Variants in MYOF observed in about 807,000 individuals in gnomAD.
MYOF encodes the protein fer-1-like 3, myoferlin.
MYOF carries 244 observed loss-of-function variants against 284.2 expected under a neutral mutation model. The observed-to-expected ratio is 0.86, with a 90% CI of 0.77 to 0.95. MYOF has a LOEUF of 0.95. Ranked by LOEUF, MYOF falls within the 40% of genes least tolerant of loss-of-function variation. The pLI, the probability that MYOF is intolerant of heterozygous loss-of-function variation, is 0.00. For synonymous variants in MYOF, 904 were observed against 919.7 expected, an observed-to-expected ratio of 0.98 and a Z score of 0.31; for missense variants, 2,496 against 2,560.6, an observed-to-expected ratio of 0.97 and a Z score of 0.54.
chr10:93,447,361 C>T (rs997115172), intron 3 of MYOF, among the ~76,000 whole-genome samples: 1 of 152,106 alleles, frequency 6.6e-6, no homozygotes, highest in Non-Finnish European at 1.5e-5. Flanking sequence ...TCCAGGAATG[C>T]ACTTACCGAT....
intron 3 of MYOF, among the ~76,000 whole-genome samples, chr10:93,444,782 A>G (rs1438247459): frequency 3.9e-5 from 6 of 152,182 alleles, no homozygotes; most frequent in Non-Finnish European, 7.3e-5. Flanking sequence ...AAATCTGAAA[A>G]CTTGTCAATA....
At chr10:93,425,434 T>C (rs1401939018) in intron 5 of MYOF, among the ~76,000 whole-genome samples, 1 of 152,102 alleles carries the variant, frequency 6.6e-6, no homozygotes, top group Non-Finnish European at 1.5e-5. Flanking sequence ...ACTGATTGTC[T>C]TGTAGGCCCT....
intron 50 of MYOF, among the ~76,000 whole-genome samples, chr10:93,315,598 G>T (rs979267361): frequency 6.6e-6 from 1 of 152,148 alleles, no homozygotes; most frequent in African/African-American, 2.4e-5. Flanking sequence ...CAGATATAAA[G>T]GTGGGAGGTT....
chr10:93,414,298 AG>A (rs1848027310), intron 5 of MYOF, among the ~76,000 whole-genome samples: 2 of 152,136 alleles, frequency 1.3e-5, no homozygotes, highest in African/African-American at 4.8e-5. Context: ...GCACTTTGGG[AG>A]GCTGAGGCGG....
chr10:93,309,470 G>A (rs974447844), intron 53 of MYOF, among the ~76,000 whole-genome samples: 7 of 152,226 alleles, frequency 4.6e-5, no homozygotes, highest in Non-Finnish European at 7.4e-5. Context: ...TACGTGACAT[G>A]AGCCTTAAAA....
intron 5 of MYOF, 94 bp downstream of exon 5, chr10:93,425,977 T>C (rs1848572189): frequency 7.7e-7 from 1 of 1,307,076 alleles, no homozygotes; most frequent in African/African-American, 1.5e-5. Flanking sequence ...GCTACAGGCT[T>C]GTGATCAATG....
chr10:93,375,097 G>T lies in MYOF; in HGVS notation c.2109-142C>A, dbSNP rs961817043. 39 of 797,508 alleles carry T rather than the reference G, an allele frequency of 4.9e-5. No homozygotes were observed. In the African/African-American group the frequency reaches 5.6e-4, roughly 11 times the overall value. 49.4% of individuals were successfully genotyped at this position (797,508 alleles called of 1,614,324 possible). Reference sequence around the variant, plus strand: ...TAACTGAATCTACAAGCACTGCCTGGTTTACGCTGGAGTAGAGTGTATCTG... The same window carrying T: ...TAACTGAATCTACAAGCACTGCCTGTTTTACGCTGGAGTAGAGTGTATCTG... On this transcript the variant is annotated intron_variant, in intron 22 of 53. Transcript: ENST00000359263.
intron 1 of MYOF, 25 bp from the exon 2 acceptor site, chr10:93,456,962 C>A (rs371566005): frequency 1.3e-6 from 2 of 1,557,042 alleles, no homozygotes; most frequent in African/African-American, 2.7e-5. Flanking sequence ...AAGGAAGAGA[C>A]AGCAATCATT....
chr10:93,352,509 C>T (rs1222308374), intron 32 of MYOF, among the ~76,000 whole-genome samples: 1 of 152,204 alleles, frequency 6.6e-6, no homozygotes, highest in African/African-American at 2.4e-5. Flanking sequence ...CTTTGTCTCA[C>T]TATACTTAAG....
intron 1 of MYOF, among the ~76,000 whole-genome samples, chr10:93,461,764 A>G (rs2056888949): frequency 6.6e-6 from 1 of 152,194 alleles, no homozygotes; most frequent in African/African-American, 2.4e-5. Flanking sequence ...AGCCTCAAGT[A>G]CCAGGCTAAG....
At chr10:93,361,608 T>C (rs1454209469) in intron 27 of MYOF, 51 bp from the exon 28 acceptor site, 7 of 1,583,610 alleles carry the variant, frequency 4.4e-6, no homozygotes, top group Non-Finnish European at 5.2e-6. Flanking sequence ...ATAGTGTCAG[T>C]AAGAGGCAAA....
chr10:93,311,339 G>T (rs1842376896), intron 51 of MYOF, among the ~76,000 whole-genome samples: 3 of 151,982 alleles, frequency 2.0e-5, no homozygotes, highest in Non-Finnish European at 4.4e-5. Context: ...GCTGGGCGCA[G>T]TGGCTTATGC....
At chr10:93,426,031 C>A (rs1367654109) in intron 5 of MYOF, 40 bp downstream of exon 5, 5 of 1,534,648 alleles carry the variant, frequency 3.3e-6, no homozygotes, top group Non-Finnish European at 4.4e-6. Flanking sequence ...TTAGCAGCCT[C>A]CCCCTGGGGG....
intron 3 of MYOF, among the ~76,000 whole-genome samples, chr10:93,439,372 T>C (rs2056175170): frequency 5.3e-5 from 8 of 152,160 alleles, no homozygotes. Flanking sequence ...TATTTTCACC[T>C]GACCAATTCT....
At chr10:93,423,419 C>T (rs962944678) in intron 5 of MYOF, among the ~76,000 whole-genome samples, 7 of 148,100 alleles carry the variant, frequency 4.7e-5, no homozygotes, top group South Asian at 2.2e-4. Flanking sequence ...CCCACCTTCT[C>T]GGGAGGCCGA....
chr10:93,312,471 A>G (rs787664), intron 51 of MYOF, among the ~76,000 whole-genome samples: 127,050 of 152,094 alleles, frequency 0.84, 53,197 homozygotes, highest in East Asian at 0.91. Flanking sequence ...TCAGCCTCCT[A>G]AGTGTCTGGG....
At chr10:93,339,322 C>G (rs1843767555) in intron 39 of MYOF, among the ~76,000 whole-genome samples, 1 of 150,526 alleles carries the variant, frequency 6.6e-6, no homozygotes, top group African/African-American at 2.4e-5. Flanking sequence ...TAAAAGGCTA[C>G]TTTTTATTCA....
At position 93,335,903 on chromosome 10, in the gene MYOF, A is replaced by G. The variant is rs1843581170; in HGVS notation, c.4563+18T>C. The G allele has an allele frequency of 1.9e-6, 3 of 1,612,076 alleles. No individual in the cohort carries two copies. Among genetic ancestry groups the G allele is most frequent in the Non-Finnish European group, 2.5e-6 (3 of 1,179,442 alleles). On this transcript the variant is annotated intron_variant, in intron 41 of 53. Transcript: ENST00000359263. ...ATGAAGGTGGATTTTAAACGGGACC[A>G]ACACACATCTTACTCACCTTAAACT...
chr10:93,377,264 A>G, intron 22 of MYOF, 59 bp downstream of exon 22: 1 of 1,175,600 alleles, frequency 8.5e-7, no homozygotes, highest in Non-Finnish European at 1.3e-6. Flanking sequence ...TTACAGTCTT[A>G]GAATTTCAGG....
Sources: allele counts gnomAD v4.1 joint callset (sites outside exome capture counted in the v4.1 genomes callset), GRCh38; gene constraint gnomAD v4.1.1; transcripts MANE v1.5; gene names NCBI Gene and HGNC (gene_info 2026-07-23, HGNC 2026-07-21).